The following ABHD5 variants were observed in gnomAD, a reference collection of about 807,000 sequenced individuals.
ABHD5 encodes 1-acylglycerol-3-phosphate O-acyltransferase ABHD5.
In ABHD5, 30 loss-of-function variants were observed where a neutral mutation model predicts 44.9. The observed-to-expected ratio is 0.67, with a 90% confidence interval of 0.50 to 0.91. The LOEUF (loss-of-function observed/expected upper bound fraction) is 0.91. ABHD5 is among the 40% of genes least tolerant of loss of function. The probability of loss-of-function intolerance (pLI) is 0.00; values close to 1 mark genes in which losing one functional copy is unlikely to be tolerated. For missense variants in ABHD5, 399 were observed against 423.4 expected (o/e 0.94, Z 0.50); for synonymous variants, 167 against 147.0 (o/e 1.14, Z -0.99).
downstream of ABHD5, among the ~76,000 whole-genome samples, chr3:43,725,382 T>G (rs2084870584): frequency 2.0e-5 from 3 of 152,222 alleles, no homozygotes; most frequent in Non-Finnish European, 4.4e-5. Context: ...TAGTTAGCGT[T>G]TATTTGCCTG....
At chr3:43,726,676 G>A (rs2084880206), downstream of ABHD5, among the ~76,000 whole-genome samples, 5 of 152,148 alleles carry the variant, frequency 3.3e-5, no homozygotes, top group Admixed American at 2.6e-4. Flanking sequence ...AGTCTGTTTC[G>A]GCAAACATCT....
intron 3 of ABHD5, among the ~76,000 whole-genome samples, chr3:43,710,381 A>G (rs898946406): frequency 1.3e-5 from 2 of 152,210 alleles, no homozygotes; most frequent in Non-Finnish European, 2.9e-5. Context: ...TTTTTAGAAA[A>G]TAAAGCCTTC....
intron 3 of ABHD5, among the ~76,000 whole-genome samples, chr3:43,705,399 A>G (rs1195706155): frequency 6.6e-6 from 1 of 152,214 alleles, no homozygotes; most frequent in Non-Finnish European, 1.5e-5. Flanking sequence ...TAAAGAGATC[A>G]TTCTGTGTGT....
intron 1 of ABHD5, among the ~76,000 whole-genome samples, chr3:43,696,969 C>G (rs975070527): frequency 2.6e-5 from 4 of 152,162 alleles, no homozygotes; most frequent in Admixed American, 6.5e-5. Context: ...GGTGCCTCTT[C>G]TTATGGTTGA....
At chr3:43,732,615 T>A (rs552806479) in intron 7 of ABHD5, among the ~76,000 whole-genome samples, 2 of 152,232 alleles carry the variant, frequency 1.3e-5, no homozygotes, top group Non-Finnish European at 2.9e-5. Flanking sequence ...TAGAACTAAT[T>A]GTATTTTTAA....
At position 43,715,030 on chromosome 3, in the gene ABHD5, A is replaced by C; in HGVS notation, c.745A>C (p.Ile249Leu). ...CGAAGACGATACTGTGACAGAATACATCTACCACTGTAATGTGCAGACTCC... is the reference window on the plus strand; with the variant it reads ...CGAAGACGATACTGTGACAGAATACCTCTACCACTGTAATGTGCAGACTCC... ...MFEDDTVTEY[I>L]YHCNVQTPSG... Residue 249 changes from isoleucine to leucine, a missense_variant, in exon 5 of 7, where the codon ATC becomes CTC. Ile to Leu is a conservative substitution (Grantham distance 5, BLOSUM62 2). Coordinates refer to ENST00000644371, the MANE Select transcript of ABHD5 (RefSeq NM_016006.6). 1.2e-6 allele frequency: 2 copies of C among 1,613,388 alleles called. No homozygotes were observed. Among genetic ancestry groups the C allele is most frequent in the Non-Finnish European group, 1.7e-6 (2 of 1,179,654 alleles).
At position 43,691,025 on chromosome 3, in the gene ABHD5, C is replaced by T. The variant is rs762881363; in HGVS notation, c.33C>T (p.Ala11=). The T allele has an allele frequency of 3.0e-5, 47 of 1,562,816 alleles. No individual in the cohort carries two copies. Among genetic ancestry groups the T allele is most frequent in the Non-Finnish European group, 3.8e-5 (44 of 1,157,006 alleles). MAAEEEEVDS[A]DTGERSGWLT... Reference sequence around the variant, plus strand: ...CGGAGGAGGAGGAGGTGGACTCTGCCGACACCGGAGAGAGGTAAGCGCAGC... The same window carrying T: ...CGGAGGAGGAGGAGGTGGACTCTGCTGACACCGGAGAGAGGTAAGCGCAGC... Residue 11 remains alanine (A), a synonymous_variant, in exon 1 of 7, where the codon GCC becomes GCT. Transcript: ENST00000644371.
chr3:43,729,012 C>T (rs1035045937), intron 7 of ABHD5, among the ~76,000 whole-genome samples: 3 of 152,116 alleles, frequency 2.0e-5, no homozygotes, highest in Non-Finnish European at 4.4e-5. Flanking sequence ...AGAGACTTAG[C>T]AAGGAGTAAC....
At chr3:43,701,150 T>C (rs1227669706) in intron 2 of ABHD5, among the ~76,000 whole-genome samples, 1 of 152,174 alleles carries the variant, frequency 6.6e-6, no homozygotes, top group Non-Finnish European at 1.5e-5. Context: ...TCTCTAATAG[T>C]TATACAGATG....
chr3:43,732,384 TG>T (rs1362028364), intron 7 of ABHD5, among the ~76,000 whole-genome samples: 4 of 151,978 alleles, frequency 2.6e-5, no homozygotes, highest in Non-Finnish European at 4.4e-5. Context: ...GAAACGAGAT[TG>T]CACCACTGCA....
chr3:43,700,662 C>T (rs558265117), intron 2 of ABHD5, among the ~76,000 whole-genome samples: 99 of 151,772 alleles, frequency 6.5e-4, no homozygotes, highest in African/African-American at 2.3e-3. Flanking sequence ...CAACCTCTGC[C>T]TCCTGGGTTC....
At chr3:43,726,643 CAG>C (rs2084879963), downstream of ABHD5, among the ~76,000 whole-genome samples, 1 of 152,240 alleles carries the variant, frequency 6.6e-6, no homozygotes, top group Non-Finnish European at 1.5e-5. Context: ...CAGCCAAAAT[CAG>C]AACACCACAT....
intron 3 of ABHD5, among the ~76,000 whole-genome samples, chr3:43,706,467 A>C (rs1381870145): frequency 1.2e-3 from 171 of 146,938 alleles, no homozygotes; most frequent in Non-Finnish European, 2.1e-3. Context: ...TGAGAATGTT[A>C]CCTTTTTTTT....
At chr3:43,726,327 C>A (rs553816490), downstream of ABHD5, among the ~76,000 whole-genome samples, 3 of 152,140 alleles carry the variant, frequency 2.0e-5, no homozygotes, top group Non-Finnish European at 4.4e-5. Flanking sequence ...ATGTCCCAAC[C>A]GATCTTTAAC....
intron 3 of ABHD5, among the ~76,000 whole-genome samples, chr3:43,710,265 T>C (rs1277209338): frequency 6.6e-6 from 1 of 152,230 alleles, no homozygotes; most frequent in African/African-American, 2.4e-5. Flanking sequence ...ATTCTACATA[T>C]GTTAATGCTA....
At position 43,714,982 on chromosome 3, in the gene ABHD5, A is replaced by C; in HGVS notation, c.697A>C (p.Lys233Gln). 1 of 1,613,672 alleles carries C rather than the reference A, an allele frequency of 6.2e-7. No individual in the cohort carries two copies. Among genetic ancestry groups the C allele is most frequent in the South Asian group, 1.1e-5 (1 of 91,064 alleles). ...AGTGCAGCGTTTAAGGCCTGATTTC[A>C]AACGAAAGTATTCTTCAATGTTCGA... Reference protein sequence around the residue: ...SLVQRLRPDFKRKYSSMFEDD... With the variant: ...SLVQRLRPDFQRKYSSMFEDD... The change falls in exon 5 of 7, where the codon AAA becomes CAA. Residue 233 changes from lysine (K) to glutamine (Q), a missense_variant. By Grantham distance (53) the Lys-to-Gln change is moderately conservative (BLOSUM62 1). Transcript: ENST00000644371.
chr3:43,698,924 C>CT (rs1297992012), intron 1 of ABHD5, among the ~76,000 whole-genome samples: 1 of 152,170 alleles, frequency 6.6e-6, no homozygotes, highest in African/African-American at 2.4e-5. Context: ...TGGTCTTTAA[C>CT]TTTTTTTGCA....
intron 3 of ABHD5, among the ~76,000 whole-genome samples, chr3:43,709,336 A>G (rs916131017): frequency 4.6e-5 from 7 of 152,218 alleles, no homozygotes; most frequent in Non-Finnish European, 8.8e-5. Context: ...TAGTATATAT[A>G]CTTTGCATAA....
intron 7 of ABHD5, among the ~76,000 whole-genome samples, chr3:43,729,282 G>A (rs952139950): frequency 1.8e-4 from 27 of 152,152 alleles, no homozygotes; most frequent in African/African-American, 6.5e-4. Flanking sequence ...ACAACATCCC[G>A]CAAACGACAA....
Sources: allele counts gnomAD v4.1 joint callset (sites outside exome capture counted in the v4.1 genomes callset), GRCh38; gene constraint gnomAD v4.1.1; transcripts MANE v1.5; gene names NCBI Gene and HGNC (gene_info 2026-07-23, HGNC 2026-07-21).